The following ARMC2 variants were observed in gnomAD, a reference collection of about 807,000 sequenced individuals.
The protein encoded by ARMC2 is armadillo repeat containing 2.
Under a neutral mutation model 90.3 loss-of-function variants are expected in ARMC2, and 67 were observed. That is an observed-to-expected ratio of 0.74 (90% confidence interval 0.61 to 0.91). The LOEUF is 0.91. Among genes scored for constraint, ARMC2 ranks in the 40% least tolerant of loss-of-function variants. ARMC2 has a pLI of 0.00. For synonymous variants in ARMC2, 393 were observed against 393.0 expected (o/e 1.00, Z 0.00); for missense variants, 920 against 1,030.9 (o/e 0.89, Z 1.47).
chr6:108,928,166 C>T lies in ARMC2; in HGVS notation c.1429C>T (p.Leu477Phe). Residue 477 changes from leucine (L) to phenylalanine (F), a missense_variant, in exon 11 of 18, where the codon CTC becomes TTC. Transcript: ENST00000392644. ...CCTAAACATCAGTGCCCTTCCCCAG[C>T]TCTGCACGGCAATGGAACAGTACAA... ...KFLNISALPQLCTAMEQYKGD... is the reference protein window; with the variant it reads ...KFLNISALPQFCTAMEQYKGD... 1 of 1,613,238 alleles carries T rather than the reference C, an allele frequency of 6.2e-7. No homozygotes were observed. Among genetic ancestry groups the T allele is most frequent in the Non-Finnish European group, 8.5e-7 (1 of 1,179,618 alleles).
chr6:109,052,307 A>G, the ARMC2 span, among the ~76,000 whole-genome samples: 1 of 147,036 alleles, frequency 6.8e-6, no homozygotes, highest in Admixed American at 6.6e-5. Flanking sequence ...TTTTAAAGAT[A>G]ATTTTTGTTA....
Position 108,937,840 on chromosome 6 carries a change from G to A in ARMC2, c.1596+841G>A, listed in dbSNP as rs551069192. Among the ~76,000 whole-genome samples the A allele has an allele frequency of 3.9e-5, 6 of 152,010 alleles. No homozygotes were observed. In the East Asian group the frequency reaches 7.8e-4, roughly 20 times the overall value. ...CTCCCGAGTAGCTGGGACTACAGGC[G>A]TGCCACCACACCTGGCTAATTTTGT... On this transcript the variant is annotated intron_variant, in intron 12 of 17. Transcript: ENST00000392644.
At chr6:108,857,093 A>G (rs1235634255) in intron 2 of ARMC2, among the ~76,000 whole-genome samples, 8 of 152,290 alleles carry the variant, frequency 5.3e-5, no homozygotes, top group African/African-American at 1.2e-4. Context: ...CAGTTTGTCA[A>G]TGTCTACAAA....
At chr6:108,910,106 AAC>A (rs932995449) in intron 8 of ARMC2, among the ~76,000 whole-genome samples, 1 of 152,130 alleles carries the variant, frequency 6.6e-6, no homozygotes, top group Non-Finnish European at 1.5e-5. Context: ...CAAATTTATT[AAC>A]AGTGTACTGC....
At chr6:108,855,046 A>T (rs1382164461) in intron 2 of ARMC2, among the ~76,000 whole-genome samples, 3 of 152,116 alleles carry the variant, frequency 2.0e-5, no homozygotes, top group Admixed American at 6.5e-5. Context: ...AGTTTCCTCC[A>T]TGATTTCTCA....
chr6:108,981,910 A>C, the ARMC2 span, among the ~76,000 whole-genome samples: 1 of 151,940 alleles, frequency 6.6e-6, no homozygotes, highest in Non-Finnish European at 1.5e-5. Flanking sequence ...CAAGTGATCC[A>C]CCTGCCTCAG....
chr6:108,928,076 CTT>C lies in ARMC2; in HGVS notation c.1351-9_1351-8del. 1.9e-6 allele frequency: 3 copies of C among 1,595,644 alleles called. No individual in the cohort carries two copies. The highest frequency in any genetic ancestry group is 1.4e-5 in the African/African-American group (1 of 74,026). ...GTTCAAAAAAAATGGCACAAGCATG[CTT>C]TTATCCTAGGTGACTGCTACATTGA... On this transcript the variant is annotated splice_polypyrimidine_tract_variant and intron_variant, in intron 10 of 17. Coordinates refer to ENST00000392644, the MANE Select transcript of ARMC2 (RefSeq NM_032131.6).
At chr6:109,031,499 C>T in the ARMC2 span, among the ~76,000 whole-genome samples, 7 of 152,242 alleles carry the variant, frequency 4.6e-5, no homozygotes, top group South Asian at 1.5e-3. Context: ...CAAGTCTTTC[C>T]CCTCTAATCA....
At chr6:108,885,401 G>C (rs921202974) in intron 5 of ARMC2, among the ~76,000 whole-genome samples, 3 of 152,054 alleles carry the variant, frequency 2.0e-5, no homozygotes, top group Admixed American at 6.6e-5. Context: ...TTTAAGTTTA[G>C]TAATTAAGAA....
intron 1 of ARMC2, among the ~76,000 whole-genome samples, chr6:108,853,235 A>C (rs1177880791): frequency 6.6e-6 from 1 of 152,188 alleles, no homozygotes; most frequent in African/African-American, 2.4e-5. Context: ...TGTAGAAGGA[A>C]ACAAATGTTC....
At chr6:109,015,460 C>T in the ARMC2 span, among the ~76,000 whole-genome samples, 4 of 152,196 alleles carry the variant, frequency 2.6e-5, no homozygotes, top group Non-Finnish European at 5.9e-5. Flanking sequence ...GATTCAGAAA[C>T]ACTTTGTAAC....
chr6:108,871,095 A>G (rs1776363227), intron 4 of ARMC2, among the ~76,000 whole-genome samples: 1 of 152,156 alleles, frequency 6.6e-6, no homozygotes, highest in Non-Finnish European at 1.5e-5. Flanking sequence ...AAGTGTCCAC[A>G]TGGAAGGAAA....
intron 2 of ARMC2, 62 bp downstream of exon 2, chr6:108,854,547 T>A: frequency 6.8e-7 from 1 of 1,472,172 alleles, no homozygotes; most frequent in Non-Finnish European, 9.4e-7. Flanking sequence ...TACCTTCCCT[T>A]AATTCTACTT....
At chr6:108,998,916 A>T in the ARMC2 span, 1 of 637,664 alleles carries the variant, frequency 1.6e-6, no homozygotes, top group Non-Finnish European at 2.5e-6. Context: ...GCTAATTTTT[A>T]TGAATATGCA....
chr6:108,936,525 G>C (rs2128492351), intron 11 of ARMC2, among the ~76,000 whole-genome samples: 1 of 152,298 alleles, frequency 6.6e-6, no homozygotes, highest in African/African-American at 2.4e-5. Flanking sequence ...CAAAGTGCTG[G>C]GATTACAGGC....
chr6:108,892,797 T>C (rs1034100362), intron 5 of ARMC2, among the ~76,000 whole-genome samples: 4 of 147,950 alleles, frequency 2.7e-5, no homozygotes, highest in African/African-American at 1.0e-4. Flanking sequence ...AACATGTTAA[T>C]GAAGTAAAAA....
chr6:108,858,337 T>C (rs1194935218), intron 3 of ARMC2, 66 bp downstream of exon 3: 21 of 1,207,082 alleles, frequency 1.7e-5, no homozygotes, highest in African/African-American at 7.5e-5. Context: ...CCAAAAACAC[T>C]TGGAATCAGT....
At chr6:108,866,832 A>T (rs928279823) in intron 3 of ARMC2, among the ~76,000 whole-genome samples, 1 of 152,172 alleles carries the variant, frequency 6.6e-6, no homozygotes, top group Non-Finnish European at 1.5e-5. Context: ...CTGGTTTATA[A>T]ATCGATCCTA....
chr6:108,895,853 A>G (rs1771558584), intron 6 of ARMC2, among the ~76,000 whole-genome samples: 1 of 152,204 alleles, frequency 6.6e-6, no homozygotes, highest in Non-Finnish European at 1.5e-5. Context: ...GAGGAGGGGA[A>G]TGGATGCAGG....
Sources: allele counts gnomAD v4.1 joint callset (sites outside exome capture counted in the v4.1 genomes callset), GRCh38; gene constraint gnomAD v4.1.1; transcripts MANE v1.5; gene names NCBI Gene and HGNC (gene_info 2026-07-23, HGNC 2026-07-21).